DNAJC1: variants seen among roughly 807,000 people sequenced by gnomAD.
DNAJC1 encodes the protein DnaJ heat shock protein family (Hsp40) member C1.
Under a neutral mutation model 76.6 loss-of-function variants are expected in DNAJC1, and 58 were observed. The ratio of observed to expected loss-of-function variants is 0.76; its 90% CI spans 0.61 to 0.94. The LOEUF is 0.94. DNAJC1 is among the 40% of genes least tolerant of loss of function. The probability of loss-of-function intolerance (pLI) is 0.00; values close to 1 mark genes in which losing one functional copy is unlikely to be tolerated. For synonymous variants in DNAJC1, 258 were observed against 267.9 expected, an observed-to-expected ratio of 0.96 and a Z score of 0.36; for missense variants, 689 against 677.3, an observed-to-expected ratio of 1.02 and a Z score of -0.19.
intron 1 of DNAJC1, among the ~76,000 whole-genome samples, chr10:21,950,813 C>G (rs897233484): frequency 6.6e-6 from 1 of 152,112 alleles, no homozygotes. Flanking sequence ...TTCCCTTGAG[C>G]CAGAGCCTAA....
At chr10:21,765,255 G>C (rs1243399825) in intron 10 of DNAJC1, among the ~76,000 whole-genome samples, 1 of 151,936 alleles carries the variant, frequency 6.6e-6, no homozygotes, top group Non-Finnish European at 1.5e-5. Context: ...TTTCAGAAAT[G>C]GGGGGTCTCA....
intron 1 of DNAJC1, among the ~76,000 whole-genome samples, chr10:21,931,692 A>C (rs556862344): frequency 6.6e-6 from 1 of 152,146 alleles, no homozygotes; most frequent in East Asian, 1.9e-4. Context: ...GTTCCATTGG[A>C]GCTTTAAAGG....
chr10:21,760,364 A>G (rs1487727995), intron 10 of DNAJC1, among the ~76,000 whole-genome samples: 6 of 152,274 alleles, frequency 3.9e-5, no homozygotes, highest in Admixed American at 3.3e-4. Flanking sequence ...TATCCTCAAT[A>G]CAGTAGCAGT....
chr10:21,852,202 G>A (rs1050131480), intron 8 of DNAJC1, among the ~76,000 whole-genome samples: 1 of 151,880 alleles, frequency 6.6e-6, no homozygotes, highest in African/African-American at 2.4e-5. Context: ...AATATGCTAA[G>A]AGAAAGGAGG....
intron 6 of DNAJC1, among the ~76,000 whole-genome samples, chr10:21,908,840 A>T (rs546273752): frequency 6.6e-6 from 1 of 152,242 alleles, no homozygotes; most frequent in East Asian, 1.9e-4. Flanking sequence ...AACCATGAGC[A>T]AAAGTTTTTA....
chr10:21,804,044 T>C (rs886658830), intron 9 of DNAJC1: 31 of 801,106 alleles, frequency 3.9e-5, no homozygotes, highest in Non-Finnish European at 4.7e-5. Flanking sequence ...AAAGATGCTT[T>C]TGACAGCACC....
chr10:21,946,045 TC>T (rs1406239537), intron 1 of DNAJC1, among the ~76,000 whole-genome samples: 43 of 128,504 alleles, frequency 3.3e-4, no homozygotes, highest in African/African-American at 1.3e-3. Flanking sequence ...TCCTTTCTTT[TC>T]CTCTTTTTTT....
intron 1 of DNAJC1, among the ~76,000 whole-genome samples, chr10:21,941,268 CAAAAAAAAAAAA>C (rs11435502): frequency 2.3e-5 from 1 of 43,658 alleles, no homozygotes; most frequent in African/African-American, 1.1e-4. Context: ...GACACTGTCT[CAAAAAAAAAAAA>C]AAAAAAAAAA....
chr10:21,821,681 G>A (rs1300515342), intron 8 of DNAJC1, among the ~76,000 whole-genome samples: 1 of 152,062 alleles, frequency 6.6e-6, no homozygotes, highest in Non-Finnish European at 1.5e-5. Context: ...TACTCAAAAT[G>A]AACATTTCTT....
intron 8 of DNAJC1, among the ~76,000 whole-genome samples, chr10:21,837,468 G>A (rs1340036197): frequency 6.6e-6 from 1 of 151,904 alleles, no homozygotes; most frequent in African/African-American, 2.4e-5. Flanking sequence ...GAAGTGAGGA[G>A]CGTCTCTGCC....
Position 21,759,135 on chromosome 10 carries a change from A to C in DNAJC1, c.1596+35T>G, listed in dbSNP as rs1277268938. ...CTGTGGCTCCTCTGGTGGGATTCTAACACCTGTGCAGAGGCCTCTTTCCCC... is the reference window on the plus strand; with the variant it reads ...CTGTGGCTCCTCTGGTGGGATTCTACCACCTGTGCAGAGGCCTCTTTCCCC... On this transcript the variant is annotated intron_variant, in intron 11 of 11. Coordinates refer to ENST00000376980, the MANE Select transcript of DNAJC1 (RefSeq NM_022365.4). 3 of 1,577,094 alleles carry C rather than the reference A, an allele frequency of 1.9e-6. No individual in the cohort carries two copies. In the South Asian group the frequency reaches 3.6e-5, roughly 19 times the overall value.
At chr10:21,945,593 A>T (rs1417219653) in intron 1 of DNAJC1, among the ~76,000 whole-genome samples, 1 of 152,166 alleles carries the variant, frequency 6.6e-6, no homozygotes, top group Admixed American at 6.5e-5. Context: ...GGATACATGT[A>T]GGTCTAAGTC....
intron 8 of DNAJC1, among the ~76,000 whole-genome samples, chr10:21,865,071 G>T (rs1189593027): frequency 1.3e-5 from 2 of 152,152 alleles, no homozygotes; most frequent in African/African-American, 4.8e-5. Flanking sequence ...GATAAAAAGT[G>T]TAGGCCAGGA....
chr10:21,981,548 C>T (rs754934197), intron 1 of DNAJC1, among the ~76,000 whole-genome samples: 7 of 152,046 alleles, frequency 4.6e-5, no homozygotes, highest in Non-Finnish European at 1.0e-4. Context: ...AACAGATAAG[C>T]TCCACAAGTT....
chr10:21,989,083 C>A (rs1212282014), intron 1 of DNAJC1, among the ~76,000 whole-genome samples: 1 of 152,122 alleles, frequency 6.6e-6, no homozygotes, highest in East Asian at 1.9e-4. Flanking sequence ...GGAACAGTTG[C>A]TAGAAAGGAA....
intron 1 of DNAJC1, among the ~76,000 whole-genome samples, chr10:21,994,504 G>A (rs1486846271): frequency 6.6e-6 from 1 of 152,098 alleles, no homozygotes; most frequent in Non-Finnish European, 1.5e-5. Flanking sequence ...AACATAAGAA[G>A]TTGGCCAGGC....
At chr10:21,959,681 G>A (rs1837752959) in intron 1 of DNAJC1, among the ~76,000 whole-genome samples, 1 of 151,572 alleles carries the variant, frequency 6.6e-6, no homozygotes, top group South Asian at 2.1e-4. Context: ...AGCTACCCGG[G>A]AGGCCAAGGC....
At chr10:21,960,532 T>C (rs1837772810) in intron 1 of DNAJC1, among the ~76,000 whole-genome samples, 1 of 152,070 alleles carries the variant, frequency 6.6e-6, no homozygotes, top group East Asian at 1.9e-4. Context: ...GCCCACATAG[T>C]GAGACCTTGT....
intron 1 of DNAJC1, among the ~76,000 whole-genome samples, chr10:21,980,411 A>G (rs144020646): frequency 1.8e-3 from 274 of 152,270 alleles, no homozygotes; most frequent in Non-Finnish European, 2.9e-3. Flanking sequence ...CATAGTATTT[A>G]TAACAAACAT....
Sources: gnomAD v4.1 joint callset for allele counts (sites outside exome capture counted in the v4.1 genomes callset) on GRCh38, gnomAD v4.1.1 for gene constraint, MANE v1.5 for transcripts, NCBI Gene and HGNC (gene_info 2026-07-23, HGNC 2026-07-21) for gene names.